Variants in COL27A1 observed in about 807,000 individuals in gnomAD.
COL27A1 encodes collagen type XXVII alpha 1 chain.
COL27A1 carries 106 observed loss-of-function variants against 251.3 expected under a neutral mutation model. The ratio of observed to expected loss-of-function variants is 0.42; its 90% CI spans 0.36 to 0.50. COL27A1 has a LOEUF of 0.50. Among genes scored for constraint, COL27A1 ranks in the 20% least tolerant of loss-of-function variants. The pLI is 0.00. For missense variants in COL27A1, 2,325 were observed against 2,522.8 expected (o/e 0.92, Z 1.68); for synonymous variants, 1,000 against 986.3 (o/e 1.01, Z -0.26).
Position 114,309,381 on chromosome 9 carries a change from C to A in COL27A1, c.5339C>A (p.Thr1780Asn), listed in dbSNP as rs776273907. ...GTGTGGCAGGAGGGCACTGGGCAGA[C>A]CCCAGCCAAGCAGGCCGTACGCTTC... is the stretch of plus-strand genomic sequence containing the variant. ...MTVWQEGTGQ[T>N]PAKQAVRFRA... The change falls in exon 60 of 61, where the codon ACC becomes AAC. Residue 1780 changes from threonine to asparagine, a missense_variant. Coordinates refer to ENST00000356083, the MANE Select transcript of COL27A1 (RefSeq NM_032888.4). 2 of 1,613,966 alleles carry A rather than the reference C, an allele frequency of 1.2e-6. No homozygotes were observed. The highest frequency in any genetic ancestry group is 1.7e-6 in the Non-Finnish European group (2 of 1,180,036).
At chr9:114,296,639 G>T (rs538974854) in intron 49 of COL27A1, among the ~76,000 whole-genome samples, 2 of 152,306 alleles carry the variant, frequency 1.3e-5, no homozygotes, top group East Asian at 3.9e-4. Context: ...TATGGAATCA[G>T]TTGGGCAGCT....
At chr9:114,230,725 G>C (rs1831886962) in intron 14 of COL27A1, among the ~76,000 whole-genome samples, 1 of 152,138 alleles carries the variant, frequency 6.6e-6, no homozygotes, top group Non-Finnish European at 1.5e-5. Context: ...GCAGCTCCGG[G>C]GGGACAGATA....
rs760595254 is a variant in COL27A1 at position 114,288,910 on chromosome 9, C to T, written c.4099-4C>T. 3.1e-6 allele frequency: 5 copies of T among 1,613,696 alleles called. No individual in the cohort carries two copies. The South Asian group carries it at 4.4e-5, about 14-fold the overall frequency. On this transcript the variant is annotated splice_region_variant and splice_polypyrimidine_tract_variant and intron_variant, in intron 43 of 60. Transcript: ENST00000356083. The stretch of plus-strand genomic sequence containing the variant: ...CCCCTCACCTGTCTCTCTTTGGCTT[C>T]CAGGGACAGGAGGGTGTGCAAGGCC...
intron 19 of COL27A1, among the ~76,000 whole-genome samples, chr9:114,238,265 A>G (rs1488184988): frequency 6.6e-6 from 1 of 152,262 alleles, no homozygotes. Context: ...GATCATTGGC[A>G]TAGGTAGGCT....
chr9:114,251,750 T>C (rs561509144), intron 25 of COL27A1, among the ~76,000 whole-genome samples: 8 of 152,348 alleles, frequency 5.3e-5, no homozygotes, highest in African/African-American at 1.9e-4. Flanking sequence ...GCCCAGATGC[T>C]CTTCATTATC....
chr9:114,237,019 G>T lies in COL27A1; in HGVS notation c.2658G>T (p.Gly886=), dbSNP rs746935051. 1.9e-6 allele frequency: 3 copies of T among 1,610,010 alleles called. No individual in the cohort carries two copies. Among genetic ancestry groups the T allele is most frequent in the Admixed American group, 3.4e-5 (2 of 59,464 alleles). Residue 886 remains glycine (G), a synonymous_variant, in exon 18 of 61, where the codon GGG becomes GGT. Coordinates refer to ENST00000356083, the MANE Select transcript of COL27A1 (RefSeq NM_032888.4). Reference sequence around the variant, plus strand: ...TGCCAGGGTTCCCCGGTGCACGGGGGAAGCCAGGGCCTCTGGTAAGTACCT... The same window carrying T: ...TGCCAGGGTTCCCCGGTGCACGGGGTAAGCCAGGGCCTCTGGTAAGTACCT... The part of the protein sequence containing the change: ...QGLPGFPGAR[G]KPGPLGKVGD...
At chr9:114,167,153 G>T (rs1848945828) in intron 2 of COL27A1, among the ~76,000 whole-genome samples, 1 of 152,180 alleles carries the variant, frequency 6.6e-6, no homozygotes, top group Non-Finnish European at 1.5e-5. Flanking sequence ...GGAGGAGATG[G>T]CTTTCCAGGT....
chr9:114,228,860 C>T (rs766262153), intron 14 of COL27A1, among the ~76,000 whole-genome samples: 50 of 151,980 alleles, frequency 3.3e-4, no homozygotes, highest in Non-Finnish European at 4.6e-4. Context: ...CTCTTTCTGT[C>T]GCCCAGGCTG....
intron 34 of COL27A1, chr9:114,268,915 G>A (rs1344184691): frequency 4.3e-5 from 10 of 234,600 alleles, no homozygotes; most frequent in Admixed American, 2.3e-4. Context: ...CAGTCTGGGC[G>A]ACAGAATGAG....
chr9:114,239,058 C>T (rs577881734), intron 19 of COL27A1, among the ~76,000 whole-genome samples: 3 of 152,206 alleles, frequency 2.0e-5, no homozygotes, highest in Non-Finnish European at 2.9e-5. Flanking sequence ...ACTCTGTAGC[C>T]GAGAGATAGC....
chr9:114,207,067 G>A (rs999195707), intron 10 of COL27A1, among the ~76,000 whole-genome samples: 3 of 152,178 alleles, frequency 2.0e-5, no homozygotes, highest in Admixed American at 6.5e-5. Flanking sequence ...TACACTGCAC[G>A]CCTAAGGCGG....
rs1829844731 is a variant in COL27A1 at position 114,204,968 on chromosome 9, T to C, written c.2125-134T>C. 5 of 730,564 alleles carry C rather than the reference T, an allele frequency of 6.8e-6. No individual in the cohort carries two copies. The South Asian group carries it at 8.9e-5, about 13-fold the overall frequency. 45.3% of individuals were successfully genotyped at this position (730,564 alleles called of 1,614,324 possible). ...GTATCTGCATCCATCTGGGGAACCT[T>C]TACTGAGTGCACACTCCATCCCGGA... is the stretch of plus-strand genomic sequence containing the variant. On this transcript the variant is annotated intron_variant, in intron 7 of 60. Transcript: ENST00000356083.
intron 5 of COL27A1, among the ~76,000 whole-genome samples, chr9:114,193,841 C>T (rs903956364): frequency 1.3e-5 from 2 of 152,088 alleles, no homozygotes; most frequent in Non-Finnish European, 2.9e-5. Flanking sequence ...CCCAGGGGAA[C>T]AAGCCAGGAG....
intron 8 of COL27A1, 106 bp downstream of exon 8, chr9:114,205,252 C>A: frequency 9.1e-7 from 1 of 1,096,554 alleles, no homozygotes; most frequent in Non-Finnish European, 1.3e-6. Context: ...AGCCCCAGAG[C>A]CAGGCTGTTT....
chr9:114,243,453 C>T, intron 22 of COL27A1, 54 bp from the exon 23 acceptor site: 1 of 1,515,238 alleles, frequency 6.6e-7, no homozygotes, highest in South Asian at 1.1e-5. Context: ...CCCCTGGACC[C>T]CAGCCATGTT....
At chr9:114,254,661 A>G (rs1833805767) in intron 27 of COL27A1, among the ~76,000 whole-genome samples, 1 of 152,144 alleles carries the variant, frequency 6.6e-6, no homozygotes, top group African/African-American at 2.4e-5. Flanking sequence ...CTGATGAGGA[A>G]GGGCCCTGAA....
intron 4 of COL27A1, among the ~76,000 whole-genome samples, chr9:114,181,762 G>C (rs917677222): frequency 6.6e-5 from 10 of 152,168 alleles, no homozygotes; most frequent in African/African-American, 1.9e-4. Flanking sequence ...ATATGGCCTG[G>C]GAAAATCCAG....
At chr9:114,276,318 T>A (rs757717697) in intron 37 of COL27A1, among the ~76,000 whole-genome samples, 4 of 152,214 alleles carry the variant, frequency 2.6e-5, no homozygotes, top group African/African-American at 7.2e-5. Flanking sequence ...TCTTTAACAG[T>A]GCCTTGGCCA....
intron 12 of COL27A1, among the ~76,000 whole-genome samples, chr9:114,218,736 C>T (rs1237548032): frequency 6.6e-6 from 1 of 152,104 alleles, no homozygotes; most frequent in East Asian, 1.9e-4. Context: ...CCAGGCTAAA[C>T]ACCTGGTTAC....
Sources: allele counts gnomAD v4.1 joint callset (sites outside exome capture counted in the v4.1 genomes callset), GRCh38; gene constraint gnomAD v4.1.1; transcripts MANE v1.5; gene names NCBI Gene and HGNC (gene_info 2026-07-23, HGNC 2026-07-21).